Variants in STX2 observed in about 807,000 individuals in gnomAD.
STX2 encodes the protein syntaxin 2, also known as syntaxin-2.
Under a neutral mutation model 40.6 loss-of-function variants are expected in STX2, and 27 were observed. The observed-to-expected ratio is 0.66, with a 90% CI of 0.49 to 0.92. The LOEUF is 0.92. Among genes scored for constraint, STX2 ranks in the 40% least tolerant of loss-of-function variants. The pLI, the probability that STX2 is intolerant of heterozygous loss-of-function variation, is 0.00. For synonymous variants in STX2, 123 were observed against 119.1 expected (o/e 1.03, Z -0.22); for missense variants, 328 against 366.1 (o/e 0.90, Z 0.85).
intron 1 of STX2, among the ~76,000 whole-genome samples, chr12:130,837,178 T>A (rs1952779242): frequency 6.7e-6 from 1 of 149,938 alleles, no homozygotes; most frequent in African/African-American, 2.5e-5. Context: ...CATGGCACAA[T>A]CATGGCTCAC....
rs1223679785 is a variant in STX2, at chr12:130,839,011, C to T, written c.30+59G>A. 6 of 1,310,316 alleles carry T rather than the reference C, an allele frequency of 4.6e-6. No individual in the cohort carries two copies. The African/African-American group carries it at 4.6e-5, about 10-fold the overall frequency. 81.2% of individuals were successfully genotyped at this position (1,310,316 alleles called of 1,614,324 possible). A position where few individuals can be genotyped will look rare whatever the true frequency, so the allele number is the denominator to read the frequency against. ...CCGCCCAAGACGCCCCGAGCCCCCG[C>T]CCGCCCTCCAGACGCCGCCCCGGCC... On this transcript the variant is annotated intron_variant, in intron 1 of 10. Transcript: ENST00000392373.
At chr12:130,835,304 A>C (rs945843315) in intron 1 of STX2, among the ~76,000 whole-genome samples, 10 of 152,270 alleles carry the variant, frequency 6.6e-5, no homozygotes, top group African/African-American at 1.9e-4. Context: ...AAAAAAAAAG[A>C]GATTTGCAAT....
chr12:130,798,250 C>CAAAAAAA, intron 9 of STX2: 1 of 147,114 alleles, frequency 6.8e-6, no homozygotes, highest in Non-Finnish European at 1.3e-5. Flanking sequence ...AACTCCAATT[C>CAAAAAAA]AAAAAAAAAA....
At chr12:130,801,920 CCTTTT>C (rs1951243554) in intron 6 of STX2, among the ~76,000 whole-genome samples, 1 of 152,116 alleles carries the variant, frequency 6.6e-6, no homozygotes, top group African/African-American at 2.4e-5. Flanking sequence ...TTAATGCTTT[CCTTTT>C]GAGTTAAATG....
chr12:130,839,130 T>G lies in STX2; in HGVS notation c.-31A>C. 1 of 1,237,200 alleles carries G rather than the reference T, an allele frequency of 8.1e-7. No homozygotes were observed. 76.6% of individuals were successfully genotyped at this position (1,237,200 alleles called of 1,614,324 possible). A position where few individuals can be genotyped will look rare whatever the true frequency, so the allele number is the denominator to read the frequency against. ...CCGGCCGGGCAGCGCGCCCCGCCGC[T>G]CAAGCCTGTCCCGAGCTGCCTCCGG... On this transcript the variant is annotated 5_prime_UTR_variant, in exon 1 of 11. Transcript: ENST00000392373.
intron 2 of STX2, among the ~76,000 whole-genome samples, chr12:130,824,623 G>A (rs1952233093): frequency 6.6e-6 from 1 of 152,052 alleles, no homozygotes; most frequent in South Asian, 2.1e-4. Context: ...TAGCACAGGG[G>A]TCCTTTGGCT....
intron 5 of STX2, 134 bp downstream of exon 5, chr12:130,808,497 T>C (rs934202586): frequency 1.2e-6 from 1 of 843,638 alleles, no homozygotes; most frequent in South Asian, 1.9e-5. Flanking sequence ...TTTACAATAC[T>C]ATATTATTTT....
At chr12:130,812,908 A>AT in intron 4 of STX2, 49 bp downstream of exon 4, 1 of 1,260,032 alleles carries the variant, frequency 7.9e-7, no homozygotes, top group Non-Finnish European at 1.1e-6. Context: ...AAAATAACAA[A>AT]TACCCATACT....
chr12:130,828,518 G>A (rs1265121889), intron 1 of STX2, among the ~76,000 whole-genome samples: 1 of 150,788 alleles, frequency 6.6e-6, no homozygotes, highest in Non-Finnish European at 1.5e-5. Context: ...GGGATTACAG[G>A]CATGAGCCAC....
At position 130,822,169 on chromosome 12, in the gene STX2, C is replaced by T. The variant is rs1379949633; in HGVS notation, c.106-381G>A. ...CAGTGGCTCACACCTGTAATCCCAG[C>T]ACTGTGGGAGGCCAAGGCAGGCGGA... On this transcript the variant is annotated intron_variant, in intron 2 of 10. Coordinates refer to ENST00000392373, the MANE Select transcript of STX2 (RefSeq NM_194356.4). 2.0e-5 allele frequency among the ~76,000 whole-genome samples: 3 copies of T among 152,174 alleles called. No individual in the cohort carries two copies. The East Asian group carries it at 5.8e-4, about 29-fold the overall frequency.
chr12:130,822,877 C>A (rs368129447), intron 2 of STX2, among the ~76,000 whole-genome samples: 1 of 152,172 alleles, frequency 6.6e-6, no homozygotes, highest in Non-Finnish European at 1.5e-5. Context: ...TGGAACACTA[C>A]GCATAAATGG....
chr12:130,809,333 C>G (rs1296982190), intron 4 of STX2, among the ~76,000 whole-genome samples: 1 of 151,924 alleles, frequency 6.6e-6, no homozygotes. Flanking sequence ...CTGGGTACCA[C>G]TAAAGGGAAA....
chr12:130,797,753 C>G (rs1834489993), intron 9 of STX2, among the ~76,000 whole-genome samples: 1 of 152,232 alleles, frequency 6.6e-6, no homozygotes, highest in African/African-American at 2.4e-5. Context: ...AAAAAAATCA[C>G]ACAGGGTTCC....
intron 1 of STX2, among the ~76,000 whole-genome samples, chr12:130,836,323 G>A (rs139268481): frequency 4.4e-4 from 67 of 151,748 alleles, no homozygotes; most frequent in African/African-American, 1.6e-3. Context: ...CAGGCTGGAG[G>A]GCAGTGGCAA....
chr12:130,834,705 T>C (rs977307120), intron 1 of STX2, among the ~76,000 whole-genome samples: 2 of 152,226 alleles, frequency 1.3e-5, no homozygotes, highest in African/African-American at 4.8e-5. Flanking sequence ...ATAGAGAAAC[T>C]ATAGACTCCA....
At chr12:130,817,467 A>G (rs1951904013) in intron 3 of STX2, among the ~76,000 whole-genome samples, 1 of 152,208 alleles carries the variant, frequency 6.6e-6, no homozygotes, top group South Asian at 2.1e-4. Flanking sequence ...GAAAGGATAC[A>G]CTGAAACGCT....
At chr12:130,811,400 C>T (rs1162831760) in intron 4 of STX2, among the ~76,000 whole-genome samples, 1 of 150,676 alleles carries the variant, frequency 6.6e-6, no homozygotes, top group East Asian at 2.0e-4. Flanking sequence ...CTTGCAACTT[C>T]TAATGAATTA....
chr12:130,820,830 G>C (rs1275318329), intron 3 of STX2, among the ~76,000 whole-genome samples: 1 of 152,146 alleles, frequency 6.6e-6, no homozygotes, highest in Non-Finnish European at 1.5e-5. Context: ...GTGTCGTGGA[G>C]GTAGGGGCCA....
chr12:130,819,174 T>G (rs1952016175), intron 3 of STX2, among the ~76,000 whole-genome samples: 1 of 152,148 alleles, frequency 6.6e-6, no homozygotes, highest in African/African-American at 2.4e-5. Flanking sequence ...TGCCCAGCCC[T>G]GCCCCGGGTC....
Sources: gnomAD v4.1 joint callset for allele counts (sites outside exome capture counted in the v4.1 genomes callset) on GRCh38, gnomAD v4.1.1 for gene constraint, MANE v1.5 for transcripts, NCBI Gene and HGNC (gene_info 2026-07-23, HGNC 2026-07-21) for gene names.